Variants in CDH26 observed in about 807,000 individuals in gnomAD.
CDH26 encodes the protein cadherin 26.
Under a neutral mutation model 90.3 loss-of-function variants are expected in CDH26, and 83 were observed. The observed-to-expected ratio is 0.92, with a 90% CI of 0.77 to 1.10. The LOEUF (loss-of-function observed/expected upper bound fraction) is 1.10, where lower values mean the gene tolerates loss of function less well. CDH26 is among the 50% of genes least tolerant of loss of function. The pLI, the probability that CDH26 is intolerant of heterozygous loss-of-function variation, is 0.00. For synonymous variants in CDH26, 397 were observed against 396.3 expected (o/e 1.00, Z -0.02); for missense variants, 1,013 against 1,037.6 (o/e 0.98, Z 0.33).
At position 59,994,468 on chromosome 20, in the gene CDH26, T is replaced by C. The variant is rs1422323091; in HGVS notation, c.1645T>C (p.Trp549Arg). ...TACCTGGGGAAATGCGGAGGACACA[T>C]GGAAGTTGGGGAGAAATTGGGGTGA... ...DNTWGNAEDTWKLGRNWGQSV... is the reference protein window; with the variant it reads ...DNTWGNAEDTRKLGRNWGQSV... Residue 549 changes from tryptophan (W) to arginine (R), a missense_variant, in exon 11 of 18, where the codon TGG becomes CGG. Coordinates refer to ENST00000348616, the MANE Select transcript of CDH26 (RefSeq NM_177980.4). 5 of 1,613,904 alleles carry C rather than the reference T, an allele frequency of 3.1e-6. No homozygotes were observed. In the African/African-American group the frequency reaches 5.3e-5, roughly 17 times the overall value.
At chr20:59,977,330 A>G (rs2061338892) in intron 4 of CDH26, among the ~76,000 whole-genome samples, 1 of 152,166 alleles carries the variant, frequency 6.6e-6, no homozygotes, top group Non-Finnish European at 1.5e-5. Context: ...CCCTCGTGCC[A>G]GGATCCGTGC....
intron 7 of CDH26, among the ~76,000 whole-genome samples, chr20:60,019,733 A>G (rs2061936463): frequency 6.6e-6 from 1 of 152,118 alleles, no homozygotes; most frequent in Non-Finnish European, 1.5e-5. Flanking sequence ...CTAGAGAATT[A>G]TTATGTTCCT....
chr20:59,965,583 G>A (rs576261928), intron 1 of CDH26, among the ~76,000 whole-genome samples: 43 of 152,224 alleles, frequency 2.8e-4, no homozygotes, highest in Non-Finnish European at 5.7e-4. Context: ...AGAAAACAGC[G>A]GGAGTCTCCT....
downstream of CDH26, among the ~76,000 whole-genome samples, chr20:60,035,789 C>T (rs1188312281): frequency 6.6e-6 from 1 of 151,996 alleles, no homozygotes; most frequent in East Asian, 1.9e-4. Flanking sequence ...TGGGGCTCTT[C>T]CCCACTTTAC....
intron 7 of CDH26, among the ~76,000 whole-genome samples, chr20:60,026,426 G>GAGAGAGAGAGAGAGA (rs1491072144): frequency 6.7e-6 from 1 of 148,306 alleles, no homozygotes; most frequent in African/African-American, 2.5e-5. Context: ...GAGAGAGAGA[G>GAGAGAGAGAGAGAGA]GGAGAAGAGG....
rs1185991911 is a variant in CDH26, at chr20:59,989,513, C to T, written c.1283+350C>T. ...ACTGCAGTCCGCAGTCCGGCCTGGG[C>T]GACAGAGCGAGACTCCGTCTCAAAA... On this transcript the variant is annotated intron_variant, in intron 9 of 17. Transcript: ENST00000348616. Among the ~76,000 whole-genome samples the T allele has an allele frequency of 2.9e-5, 4 of 137,502 alleles. No individual in the cohort carries two copies. In the Admixed American group the frequency reaches 3.1e-4, roughly 11 times the overall value. 90.2% of individuals were successfully genotyped at this position (137,502 alleles called of 152,430 possible).
intron 1 of CDH26, among the ~76,000 whole-genome samples, chr20:59,967,880 C>CTCTCTCTCTCTCTCT (rs1195650307): frequency 5.3e-5 from 4 of 74,922 alleles, no homozygotes. Flanking sequence ...TTTCTTTCTT[C>CTCTCTCTCTCTCTCT]CTTCCTTCCT....
At chr20:60,034,127 C>T (rs895889833), downstream of CDH26, 13 of 152,794 alleles carry the variant, frequency 8.5e-5, no homozygotes, top group African/African-American at 2.9e-4. Context: ...GTCAATATAG[C>T]AAAGGTGGGA....
At chr20:59,961,387 T>G (rs554289099) in intron 1 of CDH26, among the ~76,000 whole-genome samples, 1 of 152,330 alleles carries the variant, frequency 6.6e-6, no homozygotes. Context: ...TCAAGACAGA[T>G]GAAGAGAACA....
chr20:60,004,676 G>C (rs998630338), intron 16 of CDH26, among the ~76,000 whole-genome samples: 1 of 148,562 alleles, frequency 6.7e-6, no homozygotes, highest in African/African-American at 2.5e-5. Flanking sequence ...TGAGGCAGGA[G>C]AATGGCATGA....
intron 7 of CDH26, among the ~76,000 whole-genome samples, chr20:60,024,242 C>G (rs191813027): frequency 3.5e-4 from 54 of 152,310 alleles, no homozygotes; most frequent in African/African-American, 1.3e-3. Flanking sequence ...GCTGTGTAGC[C>G]TCAGGAAGGG....
intron 2 of CDH26, 77 bp downstream of exon 2, chr20:59,969,100 A>G: frequency 2.3e-6 from 2 of 860,084 alleles, no homozygotes; most frequent in South Asian, 1.5e-5. Flanking sequence ...TGCAGTTTGG[A>G]GTTCTTTAGT....
Position 60,002,875 on chromosome 20 carries a change from A to G in CDH26, c.2220+9A>G. 1 of 1,574,166 alleles carries G rather than the reference A, an allele frequency of 6.4e-7. No individual in the cohort carries two copies. The highest frequency in any genetic ancestry group is 2.3e-5 in the East Asian group (1 of 44,010). On this transcript the variant is annotated intron_variant, in intron 16 of 17. Coordinates refer to ENST00000348616, the MANE Select transcript of CDH26 (RefSeq NM_177980.4). ...ACATACACTCTACTCCTGTAAGTATAGATGTAGGTGTTACCGTGAACAAAT... is the reference window on the plus strand; with the variant it reads ...ACATACACTCTACTCCTGTAAGTATGGATGTAGGTGTTACCGTGAACAAAT...
At chr20:59,993,941 C>A (rs963277555) in intron 10 of CDH26, among the ~76,000 whole-genome samples, 2 of 152,126 alleles carry the variant, frequency 1.3e-5, no homozygotes, top group Non-Finnish European at 2.9e-5. Flanking sequence ...CACCCATTTT[C>A]CTCCACCCCA....
chr20:59,971,954 C>A lies in CDH26; in HGVS notation c.232-8C>A. Reference sequence around the variant, plus strand: ...CTTTTTTCTTCTTTCCATTTTTCCTCCTTCCAGCTGTTCAATAATATGTCT... The same window carrying A: ...CTTTTTTCTTCTTTCCATTTTTCCTACTTCCAGCTGTTCAATAATATGTCT... On this transcript the variant is annotated splice_polypyrimidine_tract_variant and splice_region_variant and intron_variant, in intron 3 of 17. Coordinates refer to ENST00000348616, the MANE Select transcript of CDH26 (RefSeq NM_177980.4). 6.2e-7 allele frequency: 1 copy of A among 1,607,866 alleles called. No individual in the cohort carries two copies.
Position 59,983,036 on chromosome 20 carries a change from A to G in CDH26, c.507A>G (p.Glu169=), listed in dbSNP as rs2061412379. 6.2e-7 allele frequency: 1 copy of G among 1,613,926 alleles called. No individual in the cohort carries two copies. Among genetic ancestry groups the G allele is most frequent in the South Asian group, 1.1e-5 (1 of 91,060 alleles). The change falls in exon 5 of 18, where the codon GAA becomes GAG. Residue 169 remains glutamate, a synonymous_variant. Transcript: ENST00000348616. ...NDHAPQFPEK[E]FNITVQENQS... ...ATGCACCCCAGTTTCCAGAGAAGGA[A>G]TTTAACATCACTGTGCAAGAAAACC...
At chr20:59,967,618 C>G (rs2061166157) in intron 1 of CDH26, among the ~76,000 whole-genome samples, 1 of 152,136 alleles carries the variant, frequency 6.6e-6, no homozygotes, top group Non-Finnish European at 1.5e-5. Flanking sequence ...GCCCCATTTG[C>G]TTTATTCTAG....
intron 3 of CDH26, 136 bp downstream of exon 3, chr20:59,970,322 C>T: frequency 8.0e-7 from 1 of 1,244,482 alleles, no homozygotes; most frequent in African/African-American, 1.5e-5. Context: ...GGAGCACTGG[C>T]CTGGGGTTCA....
At chr20:59,991,731 G>A (rs1279633817) in intron 9 of CDH26, among the ~76,000 whole-genome samples, 1 of 152,202 alleles carries the variant, frequency 6.6e-6, no homozygotes, top group Non-Finnish European at 1.5e-5. Flanking sequence ...TTTTGTTGTT[G>A]TTGTTGTTTG....
Sources: allele counts gnomAD v4.1 joint callset (sites outside exome capture counted in the v4.1 genomes callset), GRCh38; gene constraint gnomAD v4.1.1; transcripts MANE v1.5; gene names NCBI Gene and HGNC (gene_info 2026-07-23, HGNC 2026-07-21).